Variants in DGKB observed in about 807,000 individuals in gnomAD.
DGKB encodes 90 kDa diacylglycerol kinase.
In DGKB, 67 loss-of-function variants were observed where a neutral mutation model predicts 114.3. The ratio of observed to expected loss-of-function variants is 0.59; its 90% CI spans 0.48 to 0.72. The LOEUF is 0.72. Ranked by LOEUF, DGKB falls within the 30% of genes least tolerant of loss-of-function variation. The pLI, the probability that DGKB is intolerant of heterozygous loss-of-function variation, is 0.00. For synonymous variants in DGKB, 398 were observed against 323.1 expected (o/e 1.23, Z -2.49); for missense variants, 907 against 975.2 (o/e 0.93, Z 0.93).
At chr7:14,509,977 C>A (rs1367469662) in intron 20 of DGKB, among the ~76,000 whole-genome samples, 1 of 152,074 alleles carries the variant, frequency 6.6e-6, no homozygotes, top group Non-Finnish European at 1.5e-5. Context: ...AGATGGAGAC[C>A]ATCCTGGCTG....
intron 23 of DGKB, among the ~76,000 whole-genome samples, chr7:14,242,188 G>T (rs1297935700): frequency 1.3e-5 from 2 of 152,136 alleles, no homozygotes; most frequent in Non-Finnish European, 2.9e-5. Context: ...CCTTCACAGA[G>T]ACCAGTCTCC....
intron 20 of DGKB, among the ~76,000 whole-genome samples, chr7:14,568,984 A>G (rs922877668): frequency 5.9e-5 from 9 of 152,204 alleles, no homozygotes; most frequent in African/African-American, 2.2e-4. Flanking sequence ...CATAAAGTTG[A>G]GATGCATCCC....
intron 1 of DGKB, among the ~76,000 whole-genome samples, chr7:14,925,966 C>T (rs1479195575): frequency 6.6e-6 from 1 of 151,934 alleles, no homozygotes; most frequent in African/African-American, 2.4e-5. Context: ...GTAGAGAGAA[C>T]AGAAATCCTT....
chr7:14,241,863 T>C (rs1186212658), intron 23 of DGKB, among the ~76,000 whole-genome samples: 1 of 152,006 alleles, frequency 6.6e-6, no homozygotes, highest in East Asian at 1.9e-4. Flanking sequence ...CAATAAATTA[T>C]TTTTAGAAGC....
chr7:14,695,969 C>G (rs1585731722), intron 8 of DGKB, among the ~76,000 whole-genome samples: 1 of 152,220 alleles, frequency 6.6e-6, no homozygotes, highest in South Asian at 2.1e-4. Context: ...GGAATAGTAG[C>G]AGACTTATCA....
intron 20 of DGKB, among the ~76,000 whole-genome samples, chr7:14,530,718 C>T (rs1055498863): frequency 2.0e-5 from 3 of 151,506 alleles, no homozygotes; most frequent in Non-Finnish European, 4.4e-5. Context: ...GCCAATCTCA[C>T]AAAGAATAAT....
At chr7:14,635,522 A>C (rs112002582) in intron 13 of DGKB, among the ~76,000 whole-genome samples, 79 of 151,658 alleles carry the variant, frequency 5.2e-4, no homozygotes, top group African/African-American at 1.9e-3. Flanking sequence ...AAAGAAAACT[A>C]TGAAATCGAG....
chr7:14,191,714 G>A (rs867442689), intron 23 of DGKB: 26 of 344,870 alleles, frequency 7.5e-5, no homozygotes, highest in Non-Finnish European at 1.4e-4. Flanking sequence ...GGATGTGCAC[G>A]TCAAAGATGT....
chr7:14,577,458 G>A (rs942247861), intron 19 of DGKB, among the ~76,000 whole-genome samples: 4 of 151,936 alleles, frequency 2.6e-5, no homozygotes, highest in African/African-American at 4.8e-5. Flanking sequence ...TCTACTAAAA[G>A]TACAAAAAAT....
chr7:14,860,492 T>C (rs555853258), intron 1 of DGKB, among the ~76,000 whole-genome samples: 16 of 152,004 alleles, frequency 1.1e-4, no homozygotes, highest in Middle Eastern at 3.4e-3. Context: ...CCAAGATAAG[T>C]AGGTAAGGAA....
At chr7:14,478,018 TAATA>T (rs1036558175) in intron 21 of DGKB, 139 bp downstream of exon 21, 13 of 433,616 alleles carry the variant, frequency 3.0e-5, no homozygotes, top group African/African-American at 1.7e-4. Context: ...CCTACCATCT[TAATA>T]TTTACACACA....
At chr7:14,799,416 T>C (rs890215210) in intron 2 of DGKB, among the ~76,000 whole-genome samples, 3 of 152,204 alleles carry the variant, frequency 2.0e-5, no homozygotes, top group Admixed American at 2.0e-4. Flanking sequence ...TCATGCTAAC[T>C]GGATGTAGGA....
At chr7:14,227,559 A>T (rs186575262) in intron 23 of DGKB, among the ~76,000 whole-genome samples, 134 of 152,152 alleles carry the variant, frequency 8.8e-4, no homozygotes, top group African/African-American at 3.0e-3. Flanking sequence ...TAAAACTTAT[A>T]TGGCTTTATC....
intron 23 of DGKB, among the ~76,000 whole-genome samples, chr7:14,305,590 A>G (rs1179565677): frequency 6.6e-6 from 1 of 152,152 alleles, no homozygotes; most frequent in Non-Finnish European, 1.5e-5. Flanking sequence ...TAAACATGTT[A>G]ACAACAGCAT....
chr7:14,237,321 C>T (rs539667956), intron 23 of DGKB, among the ~76,000 whole-genome samples: 29 of 151,950 alleles, frequency 1.9e-4, no homozygotes, highest in African/African-American at 6.7e-4. Flanking sequence ...TTCTTCCCTT[C>T]CTCCATTCCT....
chr7:14,194,115 C>A (rs1784697872), intron 23 of DGKB, among the ~76,000 whole-genome samples: 1 of 152,054 alleles, frequency 6.6e-6, no homozygotes, highest in Admixed American at 6.6e-5. Flanking sequence ...TATACTAGTA[C>A]AACCATTATG....
intron 1 of DGKB, among the ~76,000 whole-genome samples, chr7:14,901,161 A>T (rs918943528): frequency 4.6e-5 from 7 of 152,208 alleles, no homozygotes; most frequent in Non-Finnish European, 7.3e-5. Flanking sequence ...AATGCCAAAA[A>T]ATATTAAGTA....
chr7:14,953,627 A>G (rs1215390841), intron 1 of DGKB, among the ~76,000 whole-genome samples: 1 of 152,106 alleles, frequency 6.6e-6, no homozygotes, highest in East Asian at 1.9e-4. Context: ...CACACTGGAA[A>G]ACATTTTGGC....
At chr7:14,897,787 C>T (rs755578561) in intron 1 of DGKB, among the ~76,000 whole-genome samples, 6 of 151,886 alleles carry the variant, frequency 4.0e-5, no homozygotes, top group Non-Finnish European at 7.4e-5. Context: ...TGCTCTCAGA[C>T]ATCATAGTTT....
Sources: gnomAD v4.1 joint callset for allele counts (sites outside exome capture counted in the v4.1 genomes callset) on GRCh38, gnomAD v4.1.1 for gene constraint, MANE v1.5 for transcripts, NCBI Gene and HGNC (gene_info 2026-07-23, HGNC 2026-07-21) for gene names.